The following PARD3 variants were observed in gnomAD, a reference collection of about 807,000 sequenced individuals.
PARD3 encodes the protein partitioning defective 3 homolog.
In PARD3, 75 loss-of-function variants were observed where a neutral mutation model predicts 155.4. That is an observed-to-expected ratio of 0.48 (90% CI 0.40 to 0.58). The LOEUF (loss-of-function observed/expected upper bound fraction) is 0.58, where lower values mean the gene tolerates loss of function less well. PARD3 is among the 20% of genes least tolerant of loss of function. PARD3 has a pLI of 0.00. For missense variants in PARD3, 1,642 were observed against 1,721.7 expected (o/e 0.95, Z 0.82); for synonymous variants, 576 against 610.5 (o/e 0.94, Z 0.83).
intron 2 of PARD3, among the ~76,000 whole-genome samples, chr10:34,667,537 G>A (rs887326747): frequency 6.6e-6 from 1 of 152,144 alleles, no homozygotes; most frequent in African/African-American, 2.4e-5. Flanking sequence ...AAAACACAAT[G>A]GGGAAAAAAG....
At chr10:34,375,403 C>G (rs1334067633) in intron 10 of PARD3, among the ~76,000 whole-genome samples, 1 of 152,062 alleles carries the variant, frequency 6.6e-6, no homozygotes, top group Non-Finnish European at 1.5e-5. Context: ...AAAGGTGTTG[C>G]TCTTATAAAG....
chr10:34,292,857 C>T (rs79392068), intron 20 of PARD3, among the ~76,000 whole-genome samples: 2,613 of 152,120 alleles, frequency 0.017, 80 homozygotes, highest in African/African-American at 0.059. Flanking sequence ...ACTCCTACTC[C>T]AGCATAGCCT....
chr10:34,793,083 G>A (rs1318934100), intron 1 of PARD3, among the ~76,000 whole-genome samples: 1 of 152,218 alleles, frequency 6.6e-6, no homozygotes, highest in African/African-American at 2.4e-5. Flanking sequence ...ACTTGGTGTG[G>A]CACTGAGAAG....
chr10:34,805,505 A>G (rs1479472448), intron 1 of PARD3, among the ~76,000 whole-genome samples: 1 of 150,046 alleles, frequency 6.7e-6, no homozygotes, highest in Non-Finnish European at 1.5e-5. Flanking sequence ...AATTTATACC[A>G]CCATAAAAGA....
chr10:34,348,367 T>TA (rs1294614245), intron 14 of PARD3, among the ~76,000 whole-genome samples: 1 of 152,244 alleles, frequency 6.6e-6, no homozygotes, highest in African/African-American at 2.4e-5. Context: ...TATGTATATT[T>TA]AAGGCTTTTT....
intron 22 of PARD3, among the ~76,000 whole-genome samples, chr10:34,189,840 AG>A (rs1259929272): frequency 1.4e-5 from 2 of 143,772 alleles, no homozygotes; most frequent in Non-Finnish European, 3.1e-5. Context: ...TATCCCTTTG[AG>A]GAAAACCACT....
rs143455537 is a variant in PARD3, at chr10:34,329,919, T to C, written c.2833+1198A>G. 2.1e-3 allele frequency among the ~76,000 whole-genome samples: 327 copies of C among 152,274 alleles called. 4 individuals are homozygous for C. In the South Asian group the frequency reaches 0.026, roughly 12 times the overall value. On this transcript the variant is annotated intron_variant, in intron 19 of 24. Transcript: ENST00000374788. ...ATGTATATTAACGTATATATACATA[T>C]ACATTATATGTATATGTATATATTC...
rs58820083 is a variant in PARD3, at chr10:34,805,542, C to CATATATATATATATAT, written c.120+9318_120+9333dup. ...CACCCCAGAAATACACACGTATGTG[C>CATATATATATATATAT]ATATATATATATATATATATATATA... On this transcript the variant is annotated intron_variant, in intron 1 of 24. Transcript: ENST00000374788. Among the ~76,000 whole-genome samples, 98 of 140,768 alleles carry CATATATATATATATAT rather than the reference C, an allele frequency of 7.0e-4. No homozygotes were observed. The East Asian group carries it at 7.1e-3, about 10-fold the overall frequency. 92.3% of individuals were successfully genotyped at this position (140,768 alleles called of 152,430 possible). A position where few individuals can be genotyped will look rare whatever the true frequency, so the allele number is the denominator to read the frequency against.
chr10:34,110,432 G>C lies in PARD3; in HGVS notation c.*737C>G, dbSNP rs1312121576. On this transcript the variant is annotated 3_prime_UTR_variant, in exon 25 of 25. Transcript: ENST00000374788. ...GGCAGGAGCCACTCCTGTCTCCCAC[G>C]TTCCCCACACAGAGCTGTGGTGACT... 1 of 152,176 alleles carries C rather than the reference G, an allele frequency of 6.6e-6. No homozygotes were observed. The highest frequency in any genetic ancestry group is 2.4e-5 in the African/African-American group (1 of 41,420). 9.4% of individuals were successfully genotyped at this position (152,176 alleles called of 1,614,324 possible).
intron 2 of PARD3, among the ~76,000 whole-genome samples, chr10:34,541,612 C>CAA (rs1399951237): frequency 2.6e-5 from 4 of 152,152 alleles, no homozygotes. Flanking sequence ...TGTGATGTGT[C>CAA]AGATTATAGG....
chr10:34,782,304 C>A (rs1332469258), intron 1 of PARD3, among the ~76,000 whole-genome samples: 1 of 152,130 alleles, frequency 6.6e-6, no homozygotes, highest in Non-Finnish European at 1.5e-5. Context: ...GAGGCAGAAT[C>A]CAGCCTCCTC....
intron 22 of PARD3, among the ~76,000 whole-genome samples, chr10:34,258,949 G>T (rs186269526): frequency 1.2e-3 from 178 of 152,144 alleles, no homozygotes; most frequent in African/African-American, 3.6e-3. Context: ...CCTACCTGTA[G>T]TCCCAGCTAC....
intron 5 of PARD3, among the ~76,000 whole-genome samples, chr10:34,418,702 A>C (rs1845902190): frequency 6.6e-6 from 1 of 152,148 alleles, no homozygotes; most frequent in Non-Finnish European, 1.5e-5. Context: ...TTGACATAAA[A>C]ACATTTGTCT....
intron 2 of PARD3, among the ~76,000 whole-genome samples, chr10:34,626,268 C>T (rs1158745374): frequency 6.6e-6 from 1 of 152,186 alleles, no homozygotes; most frequent in Non-Finnish European, 1.5e-5. Context: ...TTCTCTCACG[C>T]GTTCATGGAG....
intron 2 of PARD3, among the ~76,000 whole-genome samples, chr10:34,558,888 A>G (rs2085230879): frequency 1.3e-5 from 2 of 152,216 alleles, no homozygotes; most frequent in South Asian, 4.1e-4. Context: ...CGGAGGTTGC[A>G]GTGAGCCAAG....
intron 3 of PARD3, among the ~76,000 whole-genome samples, chr10:34,494,268 GAA>G (rs1414224178): frequency 6.6e-6 from 1 of 152,198 alleles, no homozygotes. Context: ...CAGACAAAGG[GAA>G]AAGAGAGTGC....
intron 22 of PARD3, among the ~76,000 whole-genome samples, chr10:34,226,090 A>G (rs1417508257): frequency 6.6e-6 from 1 of 152,258 alleles, no homozygotes; most frequent in African/African-American, 2.4e-5. Flanking sequence ...TTCAGTAAGA[A>G]GATAAGCAAT....
intron 1 of PARD3, among the ~76,000 whole-genome samples, chr10:34,738,954 T>C (rs112066406): frequency 6.6e-6 from 1 of 152,144 alleles, no homozygotes; most frequent in Non-Finnish European, 1.5e-5. Flanking sequence ...GGGTGTTCAG[T>C]AAATGGTAAT....
intron 2 of PARD3, among the ~76,000 whole-genome samples, chr10:34,521,364 CAAAAAAAA>C (rs35030184): frequency 2.2e-5 from 2 of 90,512 alleles, no homozygotes; most frequent in African/African-American, 3.7e-5. Context: ...AGTAACACAG[CAAAAAAAA>C]AAAAAAAAAA....
Sources: gnomAD v4.1 joint callset for allele counts (sites outside exome capture counted in the v4.1 genomes callset) on GRCh38, gnomAD v4.1.1 for gene constraint, MANE v1.5 for transcripts, NCBI Gene and HGNC (gene_info 2026-07-23, HGNC 2026-07-21) for gene names.